The following ZNF512 variants were observed in gnomAD, a reference collection of about 807,000 sequenced individuals.
The protein encoded by ZNF512 is zinc finger protein 512.
Under a neutral mutation model 77.5 loss-of-function variants are expected in ZNF512, and 25 were observed. The observed-to-expected ratio is 0.32, with a 90% confidence interval of 0.23 to 0.45. The LOEUF (loss-of-function observed/expected upper bound fraction) is 0.45. Ranked by LOEUF, ZNF512 falls within the 20% of genes least tolerant of loss-of-function variation. The probability of loss-of-function intolerance (pLI) is 1.00; values close to 1 mark genes in which losing one functional copy is unlikely to be tolerated. For missense variants in ZNF512, 483 were observed against 692.6 expected (o/e 0.70, Z 3.40); for synonymous variants, 246 against 239.9 (o/e 1.03, Z -0.24).
At chr2:27,589,423 A>G (rs1002085693) in intron 2 of ZNF512, among the ~76,000 whole-genome samples, 1 of 152,202 alleles carries the variant, frequency 6.6e-6, no homozygotes, top group Non-Finnish European at 1.5e-5. Context: ...CTTAATGTCT[A>G]CATAATCTGC....
chr2:27,616,025 A>G (rs570701235), intron 11 of ZNF512, among the ~76,000 whole-genome samples: 8 of 152,210 alleles, frequency 5.3e-5, no homozygotes, highest in Non-Finnish European at 1.2e-4. Flanking sequence ...GTACTGAGGG[A>G]AGGAAATGGC....
chr2:27,619,253 G>T (rs1265504808), intron 13 of ZNF512, among the ~76,000 whole-genome samples: 2 of 152,008 alleles, frequency 1.3e-5, no homozygotes, highest in Non-Finnish European at 2.9e-5. Context: ...CTACTAAAAA[G>T]TTAGCTGGGT....
chr2:27,614,937 A>G (rs886977501), intron 10 of ZNF512, among the ~76,000 whole-genome samples: 1 of 152,022 alleles, frequency 6.6e-6, no homozygotes, highest in Non-Finnish European at 1.5e-5. Context: ...GTGAAGTATT[A>G]TATCTGAGTC....
intron 2 of ZNF512, among the ~76,000 whole-genome samples, chr2:27,594,779 C>T (rs58260007): frequency 0.075 from 11,403 of 152,112 alleles, 1,469 homozygotes; most frequent in African/African-American, 0.26. Context: ...CCAAGGCAGG[C>T]GGCTGGGAGG....
intron 10 of ZNF512, among the ~76,000 whole-genome samples, chr2:27,610,591 T>C: frequency 1.1e-5 from 1 of 88,736 alleles, no homozygotes; most frequent in African/African-American, 4.6e-5. Context: ...TTTTTTTTTT[T>C]TTTTTTTTTG....
At position 27,601,939 on chromosome 2, in the gene ZNF512, G is replaced by A. The variant is rs567168949; in HGVS notation, c.669+497G>A. On this transcript the variant is annotated intron_variant, in intron 7 of 13. Coordinates refer to ENST00000355467, the MANE Select transcript of ZNF512 (RefSeq NM_032434.4). ...GCTGGGATTATAGGCGTGAGCCATC[G>A]CGCCCAGAAATTTTTTGTATTTTTA... 2.2e-4 allele frequency among the ~76,000 whole-genome samples: 34 copies of A among 152,190 alleles called. No homozygotes were observed. The South Asian group carries it at 6.6e-3, about 30-fold the overall frequency.
At chr2:27,585,415 T>G (rs1390744639) in intron 2 of ZNF512, among the ~76,000 whole-genome samples, 1 of 152,206 alleles carries the variant, frequency 6.6e-6, no homozygotes, top group Non-Finnish European at 1.5e-5. Flanking sequence ...TAGAGATAAT[T>G]GTTAAAAAAT....
chr2:27,609,125 G>A (rs1672494853), intron 10 of ZNF512, among the ~76,000 whole-genome samples: 1 of 150,872 alleles, frequency 6.6e-6, no homozygotes, highest in Non-Finnish European at 1.5e-5. Context: ...AAAAAAAAAG[G>A]AAAAGAAAAG....
At chr2:27,583,463 G>A in intron 1 of ZNF512, 195 bp from the exon 2 acceptor site, 1 of 1,455,182 alleles carries the variant, frequency 6.9e-7, no homozygotes, top group Non-Finnish European at 9.0e-7. Flanking sequence ...GGAAGACGAA[G>A]GCTCTGGTAT....
intron 5 of ZNF512, 119 bp downstream of exon 5, chr2:27,600,172 C>G: frequency 1.7e-6 from 2 of 1,159,810 alleles, no homozygotes; most frequent in Non-Finnish European, 2.5e-6. Flanking sequence ...TTACTAAGGG[C>G]TCTAGTTTGG....
chr2:27,591,830 C>T (rs1463564449), intron 2 of ZNF512, among the ~76,000 whole-genome samples: 1 of 152,070 alleles, frequency 6.6e-6, no homozygotes, highest in Non-Finnish European at 1.5e-5. Flanking sequence ...TGAGCCATTA[C>T]ACTGGTTCGA....
At chr2:27,594,872 C>T (rs990693175) in intron 2 of ZNF512, among the ~76,000 whole-genome samples, 3 of 152,234 alleles carry the variant, frequency 2.0e-5, no homozygotes, top group African/African-American at 7.2e-5. Context: ...ACTCCGTCTG[C>T]AATCCCAGCA....
intron 10 of ZNF512, among the ~76,000 whole-genome samples, 162 bp from the exon 11 acceptor site, chr2:27,615,006 T>C (rs1482683304): frequency 3.3e-5 from 5 of 152,212 alleles, no homozygotes; most frequent in African/African-American, 9.6e-5. Context: ...ATTACACTTA[T>C]CAGTTTCAGG....
Position 27,607,857 on chromosome 2 carries a change from C to G in ZNF512, c.949C>G (p.Pro317Ala). ...RSEHGPISFF[P>A]ESGQPECLKE... is the part of the protein sequence containing the mutation. ...CTCATTCTTGCAGATATCCTTCTTTCCAGAGTCAGGACAGCCAGAGTGCTT... is the reference window on the plus strand; with the variant it reads ...CTCATTCTTGCAGATATCCTTCTTTGCAGAGTCAGGACAGCCAGAGTGCTT... The change falls in exon 10 of 14, where the codon CCA becomes GCA. Residue 317 changes from proline (P) to alanine (A), a missense_variant. Transcript: ENST00000355467. The G allele has an allele frequency of 1.2e-6, 2 of 1,614,070 alleles. No homozygotes were observed. Among genetic ancestry groups the G allele is most frequent in the Non-Finnish European group, 8.5e-7 (1 of 1,179,992 alleles).
At chr2:27,605,591 T>A (rs1052864392) in intron 9 of ZNF512, among the ~76,000 whole-genome samples, 1 of 152,000 alleles carries the variant, frequency 6.6e-6, no homozygotes, top group African/African-American at 2.4e-5. Context: ...TCCTCCCACC[T>A]CAGCCTCCCA....
Position 27,583,516 on chromosome 2 carries a change from T to C in ZNF512, c.31-142T>C, listed in dbSNP as rs1398123637. On this transcript the variant is annotated intron_variant, in intron 1 of 13. Transcript: ENST00000355467. ...CTGCTGGAAGATAGGACAGCATATT[T>C]TTCCTAAAAGGTGTTGCCTTCTTGT... 5 of 1,504,658 alleles carry C rather than the reference T, an allele frequency of 3.3e-6. No homozygotes were observed. The East Asian group carries it at 1.2e-4, about 37-fold the overall frequency. The allele number at this position is 1,504,658 out of a possible 1,614,324, so 93.2% of individuals were successfully genotyped here. A position where few individuals can be genotyped will look rare whatever the true frequency, so the allele number is the denominator to read the frequency against.
chr2:27,610,641 C>T (rs1379506897), intron 10 of ZNF512, among the ~76,000 whole-genome samples: 8 of 119,944 alleles, frequency 6.7e-5, no homozygotes, highest in Admixed American at 4.3e-4. Flanking sequence ...GGAGTGCTGG[C>T]GTGATCTCGG....
chr2:27,610,449 C>CT (rs1302440032), intron 10 of ZNF512, among the ~76,000 whole-genome samples: 4 of 141,324 alleles, frequency 2.8e-5, no homozygotes, highest in Non-Finnish European at 6.0e-5. Context: ...TTCCTAAAAT[C>CT]ATCAAATAGG....
At chr2:27,612,220 C>T (rs1165754561) in intron 10 of ZNF512, among the ~76,000 whole-genome samples, 1 of 152,072 alleles carries the variant, frequency 6.6e-6, no homozygotes, top group Non-Finnish European at 1.5e-5. Context: ...TTCAAGTGGG[C>T]TCCTGTGTCT....
Sources: gnomAD v4.1 joint callset for allele counts (sites outside exome capture counted in the v4.1 genomes callset) on GRCh38, gnomAD v4.1.1 for gene constraint, MANE v1.5 for transcripts, NCBI Gene and HGNC (gene_info 2026-07-23, HGNC 2026-07-21) for gene names.